The following LRRK2 variants were observed in gnomAD, a reference collection of about 807,000 sequenced individuals.
LRRK2 encodes leucine rich repeat kinase 2.
In LRRK2, 203 loss-of-function variants were observed where a neutral mutation model predicts 302.6. The ratio of observed to expected loss-of-function variants is 0.67; its 90% CI spans 0.60 to 0.75. The LOEUF (loss-of-function observed/expected upper bound fraction) is 0.75, where lower values mean the gene tolerates loss of function less well. Ranked by LOEUF, LRRK2 falls within the 30% of genes least tolerant of loss-of-function variation. The probability of loss-of-function intolerance (pLI) is 0.00; values close to 1 mark genes in which losing one functional copy is unlikely to be tolerated. For missense variants in LRRK2, 2,830 were observed against 2,951.0 expected, an observed-to-expected ratio of 0.96 and a Z score of 0.95; for synonymous variants, 1,066 against 1,031.9, an observed-to-expected ratio of 1.03 and a Z score of -0.63.
At chr12:40,282,691 T>A (rs1423145176) in intron 18 of LRRK2, among the ~76,000 whole-genome samples, 1 of 152,142 alleles carries the variant, frequency 6.6e-6, no homozygotes, top group African/African-American at 2.4e-5. Context: ...GCTTTGAGGA[T>A]GGGTTGAAGG....
intron 20 of LRRK2, among the ~76,000 whole-genome samples, chr12:40,289,066 T>C (rs1238936008): frequency 2.0e-5 from 3 of 151,892 alleles, no homozygotes; most frequent in African/African-American, 7.2e-5. Flanking sequence ...GTCTAAAACA[T>C]TTTAAGTTGA....
intron 40 of LRRK2, among the ~76,000 whole-genome samples, chr12:40,339,723 T>C (rs1302180310): frequency 6.6e-6 from 1 of 152,202 alleles, no homozygotes; most frequent in Non-Finnish European, 1.5e-5. Context: ...AAAAGTCTTA[T>C]ATTTTCATTT....
At chr12:40,366,952 G>T (rs1245024356) in intron 49 of LRRK2, 54 bp from the exon 50 acceptor site, 14 of 1,356,944 alleles carry the variant, frequency 1.0e-5, no homozygotes, top group African/African-American at 1.0e-4. Flanking sequence ...TTTTTTTCAG[G>T]CCAGTTTAAT....
chr12:40,233,282 T>C (rs1941289684), intron 3 of LRRK2, among the ~76,000 whole-genome samples: 1 of 152,228 alleles, frequency 6.6e-6, no homozygotes, highest in African/African-American at 2.4e-5. Flanking sequence ...TAATATGACT[T>C]TTCTTTATCA....
At position 40,298,334 on chromosome 12, in the gene LRRK2, TTGA is replaced by T; in HGVS notation, c.3191_3193del (p.Asp1064del). On this transcript the variant is annotated inframe_deletion, in exon 24 of 51. Coordinates refer to ENST00000298910, the MANE Select transcript of LRRK2 (RefSeq NM_198578.4). Reference sequence around the variant, plus strand: ...TTGAAAATGAGTTGTATTGCTAATCTTGATGTCTCTCGAAATGACATTGGACCC... The same window carrying T: ...TTGAAAATGAGTTGTATTGCTAATCTTGTCTCTCGAAATGACATTGGACCC... 1 of 1,613,986 alleles carries T rather than the reference TTGA, an allele frequency of 6.2e-7. No homozygotes were observed.
Position 40,304,116 on chromosome 12 carries a change from T to A in LRRK2, c.3759T>A (p.Ser1253=). Residue 1253 remains serine (S), a synonymous_variant, in exon 27 of 51, where the codon TCT becomes TCA. Transcript: ENST00000298910. ...LWSRVEKLHL[S]HNKLKEIPPE... is the part of the protein sequence containing the mutation. ...CTAGAGTAGAGAAACTGCATCTTTC[T>A]CACAATAAACTGAAAGAGGTAAGAC... 6.2e-7 allele frequency: 1 copy of A among 1,613,072 alleles called. No individual in the cohort carries two copies. The highest frequency in any genetic ancestry group is 1.7e-4 in the Middle Eastern group (1 of 6,052).
Position 40,364,882 on chromosome 12 carries a change from A to G in LRRK2, c.7222A>G (p.Met2408Val). 6.2e-7 allele frequency: 1 copy of G among 1,612,326 alleles called. No individual in the cohort carries two copies. Among genetic ancestry groups the G allele is most frequent in the Non-Finnish European group, 8.5e-7 (1 of 1,178,918 alleles). ...AGAAAACAAGGAATCAAAACACAAA[A>G]TGTCTTATTCTGGGAGAGTGAAAAC... is the stretch of plus-strand genomic sequence containing the variant. ...VKENKESKHK[M>V]SYSGRVKTLC... The change falls in exon 49 of 51, where the codon ATG becomes GTG. Residue 2408 changes from methionine (M) to valine (V), a missense_variant. By Grantham distance (21) the Met-to-Val change is conservative. Transcript: ENST00000298910.
intron 33 of LRRK2, among the ~76,000 whole-genome samples, chr12:40,318,704 G>A (rs1399978032): frequency 6.6e-6 from 1 of 152,028 alleles, no homozygotes; most frequent in Non-Finnish European, 1.5e-5. Flanking sequence ...GTGGTACAGA[G>A]TGCTACAAAG....
intron 45 of LRRK2, 25 bp from the exon 46 acceptor site, chr12:40,356,090 A>G (rs1215459603): frequency 6.4e-7 from 1 of 1,558,918 alleles, no homozygotes; most frequent in Non-Finnish European, 8.8e-7. Context: ...TCTTTTTGTA[A>G]CAATTTCAAC....
intron 37 of LRRK2, 76 bp downstream of exon 37, chr12:40,322,586 A>C: frequency 7.5e-7 from 1 of 1,326,798 alleles, no homozygotes; most frequent in Admixed American, 1.7e-5. Context: ...ATAAATGTAA[A>C]TATTCTTATC....
chr12:40,235,563 C>G, intron 3 of LRRK2, 63 bp from the exon 4 acceptor site: 1 of 1,132,818 alleles, frequency 8.8e-7, no homozygotes, highest in Non-Finnish European at 1.3e-6. Context: ...AAAAAAAATG[C>G]AAATAAGCAA....
intron 27 of LRRK2, 21 bp downstream of exon 27, chr12:40,304,155 T>G (rs1565732839): frequency 6.2e-7 from 1 of 1,603,792 alleles, no homozygotes; most frequent in African/African-American, 1.3e-5. Context: ...TATTGCCACT[T>G]AAAAAATATA....
At chr12:40,300,508 TTATTAATAG>T (rs1358869377) in intron 25 of LRRK2, among the ~76,000 whole-genome samples, 1 of 152,200 alleles carries the variant, frequency 6.6e-6, no homozygotes, top group Non-Finnish European at 1.5e-5. Context: ...GCTTAACTAC[TTATTAATAG>T]TATTTTAATT....
At chr12:40,258,900 T>A (rs1366217558) in intron 12 of LRRK2, among the ~76,000 whole-genome samples, 1 of 152,200 alleles carries the variant, frequency 6.6e-6, no homozygotes, top group African/African-American at 2.4e-5. Flanking sequence ...TTAAAGTTCA[T>A]AGTACCTACT....
Position 40,359,391 on chromosome 12 carries a change from C to T in LRRK2, c.6975C>T (p.Ser2325=), listed in dbSNP as rs893924920. The T allele has an allele frequency of 3.1e-6, 5 of 1,613,134 alleles. No homozygotes were observed. The highest frequency in any genetic ancestry group is 4.2e-6 in the Non-Finnish European group (5 of 1,179,562). ...GAGGATGTGGCACAAAGATTTTCTCCTTTTCTAATGATTTCACCATTCAGA... is the reference window on the plus strand; with the variant it reads ...GAGGATGTGGCACAAAGATTTTCTCTTTTTCTAATGATTTCACCATTCAGA... ...MWGGCGTKIF[S]FSNDFTIQKL... is the part of the protein sequence containing the mutation. The change falls in exon 47 of 51, where the codon TCC becomes TCT. Residue 2325 remains serine, a synonymous_variant. Coordinates refer to ENST00000298910, the MANE Select transcript of LRRK2 (RefSeq NM_198578.4).
At chr12:40,362,144 A>T (rs145755869) in intron 47 of LRRK2, among the ~76,000 whole-genome samples, 1 of 152,048 alleles carries the variant, frequency 6.6e-6, no homozygotes, top group Non-Finnish European at 1.5e-5. Context: ...ATTCCATGCA[A>T]AACTTTGTCC....
At chr12:40,225,488 ACTAAAAAGGAGAGGGGGTGCTG>A (rs1270201282) in intron 1 of LRRK2, 45 bp from the exon 2 acceptor site, 5 of 1,424,566 alleles carry the variant, frequency 3.5e-6, no homozygotes, top group Non-Finnish European at 5.0e-6. Context: ...CCCGTTTCAG[ACTAAAAAGGAGAGGGGGTGCTG>A]TGGATTGTGA....
chr12:40,340,568 G>A (rs1946009083), intron 41 of LRRK2, 114 bp downstream of exon 41: 1 of 1,070,806 alleles, frequency 9.3e-7, no homozygotes. Context: ...TGTGAACAGA[G>A]GTTTATTTTG....
At chr12:40,257,168 T>A (rs1220053069) in intron 11 of LRRK2, 80 bp from the exon 12 acceptor site, 5 of 1,021,410 alleles carry the variant, frequency 4.9e-6, no homozygotes, top group South Asian at 4.2e-5. Context: ...AAATTTGGAC[T>A]ATATTAATAT....
Sources: allele counts gnomAD v4.1 joint callset (sites outside exome capture counted in the v4.1 genomes callset), GRCh38; gene constraint gnomAD v4.1.1; transcripts MANE v1.5; gene names NCBI Gene and HGNC (gene_info 2026-07-23, HGNC 2026-07-21).